The following PRPF3 variants were observed in gnomAD, a reference collection of about 807,000 sequenced individuals.
PRPF3 encodes U4/U6 small nuclear ribonucleoprotein Prp3.
A neutral mutation model predicts 89.2 loss-of-function variants in PRPF3; 3 were observed. The ratio of observed to expected loss-of-function variants is 0.03; its 90% CI spans 0.02 to 0.09. PRPF3 has a LOEUF of 0.09. Among genes scored for constraint, PRPF3 ranks in the 10% least tolerant of loss-of-function variants. The pLI is 1.00. For synonymous variants in PRPF3, 270 were observed against 289.1 expected, an observed-to-expected ratio of 0.93 and a Z score of 0.67; for missense variants, 463 against 828.8, an observed-to-expected ratio of 0.56 and a Z score of 5.42.
chr1:150,344,319 G>C (rs1176118648), intron 11 of PRPF3, 58 bp downstream of exon 11: 6 of 1,613,464 alleles, frequency 3.7e-6, no homozygotes, highest in African/African-American at 2.7e-5. Context: ...AAACTCTTCT[G>C]GGGGGTCCAT....
At chr1:150,344,026 G>A in intron 10 of PRPF3, 136 bp from the exon 11 acceptor site, 1 of 762,084 alleles carries the variant, frequency 1.3e-6, no homozygotes, top group Non-Finnish European at 2.3e-6. Flanking sequence ...TTCAAGATAG[G>A]AGTTATTGGA....
Position 150,331,990 on chromosome 1 carries a change from C to T in PRPF3, c.424-694C>T, listed in dbSNP as rs587673490. Among the ~76,000 whole-genome samples the T allele has an allele frequency of 2.5e-3, 377 of 151,908 alleles. 1 individual carries two copies. Among genetic ancestry groups the T allele is most frequent in the Admixed American group, 4.6e-3 (70 of 15,218 alleles). ...CTGTAATCCCAGCACTTTGAGAGGC[C>T]GAGGTGGGCGGATCACGAGGTCAGG... On this transcript the variant is annotated intron_variant, in intron 4 of 15. Coordinates refer to ENST00000324862, the MANE Select transcript of PRPF3 (RefSeq NM_004698.4).
At chr1:150,342,336 C>T (rs1238125570) in intron 9 of PRPF3, among the ~76,000 whole-genome samples, 4 of 151,786 alleles carry the variant, frequency 2.6e-5, no homozygotes, top group South Asian at 4.2e-4. Flanking sequence ...GCTGAGATTG[C>T]GCCACTGCAC....
chr1:150,323,779 CTT>C (rs781936072), intron 1 of PRPF3, among the ~76,000 whole-genome samples: 5 of 126,150 alleles, frequency 4.0e-5, no homozygotes, highest in Admixed American at 8.8e-5. Flanking sequence ...ACAGAACATT[CTT>C]TTTTTTTTTT....
chr1:150,332,113 A>G (rs587608692), intron 4 of PRPF3, among the ~76,000 whole-genome samples: 26 of 151,852 alleles, frequency 1.7e-4, no homozygotes, highest in African/African-American at 6.3e-4. Flanking sequence ...AGTCCCAGCT[A>G]CTCGGGATGC....
intron 15 of PRPF3, among the ~76,000 whole-genome samples, chr1:150,351,667 A>ATTTT (rs10692607): frequency 0.23 from 21,355 of 94,312 alleles, 3,953 homozygotes; most frequent in Non-Finnish European, 0.32. Context: ...TGCCTGGCTA[A>ATTTT]TTTTTTTTTT....
In PRPF3 at chr1:150,352,852, G is replaced by C; in HGVS notation, c.1925G>C (p.Ser642Thr). Reference sequence around the variant, plus strand: ...TTCTAGGGTACAGCCAAAGACCGGAGCTTTGGAGAGATGAAGTTTAAACAG... The same window carrying C: ...TTCTAGGGTACAGCCAAAGACCGGACCTTTGGAGAGATGAAGTTTAAACAG... ...LVWEGTAKDR[S>T]FGEMKFKQCP... Residue 642 changes from serine to threonine, a missense_variant, in exon 16 of 16, where the codon AGC becomes ACC. Physicochemically the swap from Ser to Thr is moderately conservative, Grantham distance 58. Transcript: ENST00000324862. The C allele has an allele frequency of 1.2e-6, 2 of 1,614,138 alleles. No individual in the cohort carries two copies. Among genetic ancestry groups the C allele is most frequent in the Non-Finnish European group, 1.7e-6 (2 of 1,180,000 alleles).
intron 7 of PRPF3, among the ~76,000 whole-genome samples, chr1:150,337,634 C>T (rs888263947): frequency 6.6e-6 from 1 of 151,544 alleles, no homozygotes; most frequent in South Asian, 2.1e-4. Flanking sequence ...AAAAATGAGC[C>T]GGGCGTGGTG....
chr1:150,325,438 A>C (rs1339755275), intron 2 of PRPF3, among the ~76,000 whole-genome samples: 1 of 152,134 alleles, frequency 6.6e-6, no homozygotes, highest in East Asian at 1.9e-4. Flanking sequence ...AGCTTGAAGG[A>C]GGTAGATTTT....
intron 4 of PRPF3, 110 bp downstream of exon 4, chr1:150,328,576 GA>G (rs1210947682): frequency 1.3e-4 from 116 of 923,678 alleles, no homozygotes; most frequent in Non-Finnish European, 1.7e-4. Flanking sequence ...TTTTGAGGTG[GA>G]GTTTTGCTCT....
chr1:150,347,311 C>CACAT (rs1308266326), intron 14 of PRPF3, among the ~76,000 whole-genome samples: 1 of 151,676 alleles, frequency 6.6e-6, no homozygotes, highest in Non-Finnish European at 1.5e-5. Context: ...CATGTACACA[C>CACAT]ACATACACAT....
intron 3 of PRPF3, chr1:150,327,650 C>T (rs1655875865): frequency 1.0e-5 from 10 of 985,350 alleles, no homozygotes; most frequent in Non-Finnish European, 1.1e-5. Context: ...AAGCCTACCA[C>T]CGGTGTGTAC....
At chr1:150,352,277 C>T (rs1234183139) in intron 15 of PRPF3, among the ~76,000 whole-genome samples, 6 of 152,200 alleles carry the variant, frequency 3.9e-5, no homozygotes, top group Non-Finnish European at 5.9e-5. Flanking sequence ...TTCTTCCTGA[C>T]TTGCTGTTCC....
intron 9 of PRPF3, among the ~76,000 whole-genome samples, chr1:150,341,082 G>C (rs1657645220): frequency 8.2e-6 from 1 of 122,656 alleles, no homozygotes; most frequent in Non-Finnish European, 1.7e-5. Flanking sequence ...CTCCAGCCTG[G>C]ATGATACTGC....
At chr1:150,323,402 C>T (rs1444031695) in intron 1 of PRPF3, among the ~76,000 whole-genome samples, 4 of 151,684 alleles carry the variant, frequency 2.6e-5, no homozygotes, top group East Asian at 2.0e-4. Flanking sequence ...CCAGAACTTT[C>T]GGAGGTCAAG....
At chr1:150,338,048 TG>T in intron 7 of PRPF3, 111 bp from the exon 8 acceptor site, 1 of 1,169,660 alleles carries the variant, frequency 8.5e-7, no homozygotes, top group Non-Finnish European at 1.2e-6. Context: ...CACTCCAGCC[TG>T]GGCAAGAAGA....
Position 150,325,037 on chromosome 1 carries a change from C to T in PRPF3, c.95C>T (p.Thr32Ile). 6.2e-7 allele frequency: 1 copy of T among 1,613,920 alleles called. No individual in the cohort carries two copies. The highest frequency in any genetic ancestry group is 8.5e-7 in the Non-Finnish European group (1 of 1,179,946). The change falls in exon 2 of 16, where the codon ACA becomes ATA. Residue 32 changes from threonine (T) to isoleucine (I), a missense_variant. Thr to Ile is a moderately conservative substitution (Grantham distance 89). This residue lies in a region of PRPF3 where 33 missense variants were observed against 83.1 expected (regional missense o/e 0.40). Transcript: ENST00000324862. ...GGTTTCTCAGAGCCTACGGTGGTCA[C>T]AGCAGCATTGAACTGTGTGGGGAAG... is the stretch of plus-strand genomic sequence containing the variant. Reference protein sequence around the residue: ...VLGFSEPTVVTAALNCVGKGM... With the variant: ...VLGFSEPTVVIAALNCVGKGM...
Position 150,344,429 on chromosome 1 carries a change from G to T in PRPF3, c.1527-5G>T, listed in dbSNP as rs782779487. Reference sequence around the variant, plus strand: ...CACTTGTGGATGTCCTTCCTGTCACGACAGAGCGCATGAAGAGGCCAACGC... The same window carrying T: ...CACTTGTGGATGTCCTTCCTGTCACTACAGAGCGCATGAAGAGGCCAACGC... On this transcript the variant is annotated splice_polypyrimidine_tract_variant and splice_region_variant and intron_variant, in intron 11 of 15. Transcript: ENST00000324862. 1.2e-6 allele frequency: 2 copies of T among 1,614,004 alleles called. No homozygotes were observed. Among genetic ancestry groups the T allele is most frequent in the Non-Finnish European group, 1.7e-6 (2 of 1,180,042 alleles).
At chr1:150,346,582 C>A in intron 14 of PRPF3, 91 bp downstream of exon 14, 1 of 1,283,672 alleles carries the variant, frequency 7.8e-7, no homozygotes, top group Non-Finnish European at 1.1e-6. Flanking sequence ...CCCTGTGACA[C>A]TCTTGATAAC....
Sources: gnomAD v4.1 joint callset for allele counts (sites outside exome capture counted in the v4.1 genomes callset) on GRCh38, gnomAD v4.1.1 for gene constraint, gnomAD v4.1.1 regional missense constraint, MANE v1.5 for transcripts, NCBI Gene and HGNC (gene_info 2026-07-23, HGNC 2026-07-21) for gene names.